WNK1: variants seen among roughly 807,000 people sequenced by gnomAD.
WNK1 encodes the protein WNK lysine deficient protein kinase 1.
Under a neutral mutation model 222.8 loss-of-function variants are expected in WNK1, and 38 were observed. The ratio of observed to expected loss-of-function variants is 0.17; its 90% CI spans 0.13 to 0.22. The LOEUF (loss-of-function observed/expected upper bound fraction) is 0.22, where lower values mean the gene tolerates loss of function less well. WNK1 is among the 10% of genes least tolerant of loss of function. The pLI, the probability that WNK1 is intolerant of heterozygous loss-of-function variation, is 1.00. For synonymous variants in WNK1, 1,090 were observed against 1,092.9 expected, an observed-to-expected ratio of 1.00 and a Z score of 0.05; for missense variants, 2,348 against 2,918.4, an observed-to-expected ratio of 0.80 and a Z score of 4.50.
chr12:784,103 C>T (rs1405694336), intron 1 of WNK1, among the ~76,000 whole-genome samples: 2 of 151,608 alleles, frequency 1.3e-5, no homozygotes, highest in Non-Finnish European at 2.9e-5. Context: ...TGCCTGTAGT[C>T]CCAGCTACCT....
chr12:771,908 CCAAAGTATTGGGATTA>C (rs1416774440), intron 1 of WNK1, among the ~76,000 whole-genome samples: 1 of 152,096 alleles, frequency 6.6e-6, no homozygotes, highest in Non-Finnish European at 1.5e-5. Flanking sequence ...TTTCAGCCTC[CCAAAGTATTGGGATTA>C]CAGGCTTGAG....
chr12:772,516 C>T (rs1942651984), intron 1 of WNK1, among the ~76,000 whole-genome samples: 1 of 151,790 alleles, frequency 6.6e-6, no homozygotes, highest in African/African-American at 2.4e-5. Flanking sequence ...TGTATACATA[C>T]GTATGCACAC....
At chr12:873,326 C>T (rs1234343812) in intron 9 of WNK1, among the ~76,000 whole-genome samples, 1 of 151,642 alleles carries the variant, frequency 6.6e-6, no homozygotes, top group Non-Finnish European at 1.5e-5. Flanking sequence ...AAGAAGAGAG[C>T]AGTACCATAA....
intron 1 of WNK1, among the ~76,000 whole-genome samples, chr12:798,213 A>G (rs543146016): frequency 1.4e-5 from 2 of 146,068 alleles, no homozygotes; most frequent in East Asian, 2.0e-4. Flanking sequence ...TGTTTTTGAG[A>G]CGGAGTCTGG....
At position 887,234 on chromosome 12, in the gene WNK1, G is replaced by C. The variant is rs756087008; in HGVS notation, c.5294G>C (p.Gly1765Ala). 4 of 1,614,024 alleles carry C rather than the reference G, an allele frequency of 2.5e-6. No homozygotes were observed. Among genetic ancestry groups the C allele is most frequent in the Middle Eastern group, 1.6e-4 (1 of 6,084 alleles). ...PLTKAPVLPV[G>A]TELPAGTLPS... ...TGTTGTCTGTAGGTGCTGCCAGTGGGTACTGAACTTCCAGCAGGTACTCTA... is the reference window on the plus strand; with the variant it reads ...TGTTGTCTGTAGGTGCTGCCAGTGGCTACTGAACTTCCAGCAGGTACTCTA... Residue 1765 changes from glycine to alanine, a missense_variant, in exon 20 of 28, where the codon GGT becomes GCT. Physicochemically the swap from Gly to Ala is moderately conservative, Grantham distance 60. This residue lies in a region of WNK1 where 1,144 missense variants were observed against 1,273.6 expected (regional missense o/e 0.90). Transcript: ENST00000315939.
At chr12:799,678 C>T (rs1230432568) in intron 1 of WNK1, among the ~76,000 whole-genome samples, 1 of 151,788 alleles carries the variant, frequency 6.6e-6, no homozygotes, top group Non-Finnish European at 1.5e-5. Context: ...CCTGACATTA[C>T]AAAAAGTTTT....
chr12:846,500 T>C lies in WNK1; in HGVS notation c.1312-10661T>C, dbSNP rs117872024. On this transcript the variant is annotated intron_variant, in intron 4 of 27. Coordinates refer to ENST00000315939, the MANE Select transcript of WNK1 (RefSeq NM_018979.4). The stretch of plus-strand genomic sequence containing the variant: ...ATCGTGAGTAAGTTAATTTCTTTGA[T>C]AGAGCTAGCTTGATTTGGTAGGGAG... Among the ~76,000 whole-genome samples, 6 of 152,338 alleles carry C rather than the reference T, an allele frequency of 3.9e-5. No homozygotes were observed. In the East Asian group the frequency reaches 1.2e-3, roughly 29 times the overall value.
At chr12:835,176 G>A (rs1949086743) in intron 4 of WNK1, among the ~76,000 whole-genome samples, 1 of 152,054 alleles carries the variant, frequency 6.6e-6, no homozygotes, top group Admixed American at 6.6e-5. Flanking sequence ...AAAATTAGTT[G>A]GCCGTGGTGG....
In WNK1 at chr12:908,265, A is replaced by G. The variant is rs1955867490; in HGVS notation, c.6832-210A>G. 12 of 746,492 alleles carry G rather than the reference A, an allele frequency of 1.6e-5. No individual in the cohort carries two copies. The South Asian group carries it at 1.8e-4, about 11-fold the overall frequency. 46.2% of individuals were successfully genotyped at this position (746,492 alleles called of 1,614,324 possible). A position where few individuals can be genotyped will look rare whatever the true frequency, so the allele number is the denominator to read the frequency against. ...CTTCGTTTTTCCTTCGTCATCCTCA[A>G]CTACACACACACAGACACACACGCA... On this transcript the variant is annotated intron_variant, in intron 27 of 27. Transcript: ENST00000315939.
Position 884,365 on chromosome 12 carries a change from A to G in WNK1, c.3844+122A>G. 1 of 1,444,256 alleles carries G rather than the reference A, an allele frequency of 6.9e-7. No individual in the cohort carries two copies. 89.5% of individuals were successfully genotyped at this position (1,444,256 alleles called of 1,614,324 possible). ...ATAATAAAAAAGAATAGAAAACTGA[A>G]GTTATAACCAACAGATAAACATATG... On this transcript the variant is annotated intron_variant, in intron 18 of 27. Coordinates refer to ENST00000315939, the MANE Select transcript of WNK1 (RefSeq NM_018979.4). The surrounding 1 kb of genome is among the most constrained non-coding windows in gnomAD (Gnocchi z 5.6).
chr12:836,346 C>T (rs745603517), intron 4 of WNK1, among the ~76,000 whole-genome samples: 18 of 152,078 alleles, frequency 1.2e-4, no homozygotes, highest in Non-Finnish European at 2.2e-4. Flanking sequence ...ACTAAGGTTG[C>T]GAAAAACAAA....
At chr12:867,781 T>C in intron 8 of WNK1, 1 of 1,452,814 alleles carries the variant, frequency 6.9e-7, no homozygotes, top group Non-Finnish European at 9.6e-7. Context: ...TTTCATAGGG[T>C]TACACAGAAC....
intron 10 of WNK1, 104 bp from the exon 11 acceptor site, chr12:879,468 TC>T: frequency 1.4e-6 from 1 of 736,978 alleles, no homozygotes; most frequent in Non-Finnish European, 2.1e-6. Context: ...GTTTGTTTTT[TC>T]CTTCTTTTTG....
chr12:782,125 A>G (rs1193196859), intron 1 of WNK1, among the ~76,000 whole-genome samples: 1 of 152,192 alleles, frequency 6.6e-6, no homozygotes, highest in Non-Finnish European at 1.5e-5. Context: ...ATAATTTTAA[A>G]TCATTGTCAT....
At chr12:864,933 G>A (rs1267469468) in intron 8 of WNK1, among the ~76,000 whole-genome samples, 1 of 151,360 alleles carries the variant, frequency 6.6e-6, no homozygotes, top group South Asian at 2.1e-4. Flanking sequence ...GAATAGTTGT[G>A]ATCTGTCAGA....
At chr12:781,920 T>TTTCTTTGGATTTTGTTCTTATTGG (rs1332937419) in intron 1 of WNK1, among the ~76,000 whole-genome samples, 1 of 152,186 alleles carries the variant, frequency 6.6e-6, no homozygotes, top group Admixed American at 6.5e-5. Context: ...ATTTGTGGCT[T>TTTCTTTGGATTTTGTTCTTATTGG]ATTTTTAAAA....
At chr12:868,293 A>T in intron 8 of WNK1, 1 of 1,607,702 alleles carries the variant, frequency 6.2e-7, no homozygotes, top group Non-Finnish European at 8.5e-7. Flanking sequence ...GCTGGGGTAC[A>T]TTACCAGGCC....
At chr12:906,551 C>G (rs952527696) in intron 26 of WNK1, 1 of 985,058 alleles carries the variant, frequency 1.0e-6, no homozygotes, top group Non-Finnish European at 1.2e-6. Flanking sequence ...TCAGGAAAAC[C>G]ATGTCTTCCT....
chr12:845,094 A>G (rs951602110), intron 4 of WNK1, among the ~76,000 whole-genome samples: 1 of 150,742 alleles, frequency 6.6e-6, no homozygotes, highest in Admixed American at 6.6e-5. Context: ...ACGGGGTTTC[A>G]CCGTTTTAGC....
Sources: gnomAD v4.1 joint callset for allele counts (sites outside exome capture counted in the v4.1 genomes callset) on GRCh38, gnomAD v4.1.1 for gene constraint, gnomAD v4.1.1 regional missense constraint, Gnocchi (gnomAD v3.1) non-coding constraint, MANE v1.5 for transcripts, NCBI Gene and HGNC (gene_info 2026-07-23, HGNC 2026-07-21) for gene names.